NEGR1: variants seen among roughly 807,000 people sequenced by gnomAD.
NEGR1 encodes neuronal growth regulator 1, also known as IgLON family member 4.
Under a neutral mutation model 40.9 loss-of-function variants are expected in NEGR1, and 10 were observed. The observed-to-expected ratio is 0.24, with a 90% CI of 0.15 to 0.42. NEGR1 has a LOEUF of 0.42. Among genes scored for constraint, NEGR1 ranks in the 10% least tolerant of loss-of-function variants. NEGR1 has a pLI of 1.00. For synonymous variants in NEGR1, 185 were observed against 166.8 expected, an observed-to-expected ratio of 1.11 and a Z score of -0.84; for missense variants, 352 against 438.9, an observed-to-expected ratio of 0.80 and a Z score of 1.77.
At chr1:72,061,408 G>A (rs1462488156) in intron 1 of NEGR1, among the ~76,000 whole-genome samples, 1 of 151,650 alleles carries the variant, frequency 6.6e-6, no homozygotes, top group Non-Finnish European at 1.5e-5. Flanking sequence ...TATTTAATGG[G>A]ATTTTTTTCC....
At chr1:72,169,132 T>C (rs1041226718) in intron 1 of NEGR1, among the ~76,000 whole-genome samples, 2 of 152,132 alleles carry the variant, frequency 1.3e-5, no homozygotes, top group African/African-American at 2.4e-5. Flanking sequence ...AAAATCATGA[T>C]AATTAGTTGG....
In NEGR1 at chr1:71,436,229, C is replaced by CAA. The variant is rs376091954; in HGVS notation, c.941-28661_941-28660dup. ...ATAATGAAAGAGATTGTGAATATGGCAAAAAAAAAAAAAGGTGGGGTATGA... is the reference window on the plus strand; with the variant it reads ...ATAATGAAAGAGATTGTGAATATGGCAAAAAAAAAAAAAAAGGTGGGGTATGA... On this transcript the variant is annotated intron_variant, in intron 6 of 6. Transcript: ENST00000357731. 6.3e-3 allele frequency among the ~76,000 whole-genome samples: 775 copies of CAA among 122,956 alleles called. 5 individuals carry two copies. Among genetic ancestry groups the CAA allele is most frequent in the African/African-American group, 0.019 (658 of 34,484 alleles). 80.7% of individuals were successfully genotyped at this position (122,956 alleles called of 152,430 possible). A position where few individuals can be genotyped will look rare whatever the true frequency, so the allele number is the denominator to read the frequency against.
chr1:72,201,417 TATTC>T (rs1433950047), intron 1 of NEGR1, among the ~76,000 whole-genome samples: 1 of 151,836 alleles, frequency 6.6e-6, no homozygotes, highest in African/African-American at 2.4e-5. Flanking sequence ...GAGAGCATAA[TATTC>T]ATAATTTCAC....
chr1:71,789,930 C>A (rs1216338937), intron 2 of NEGR1, among the ~76,000 whole-genome samples: 1 of 152,090 alleles, frequency 6.6e-6, no homozygotes, highest in Non-Finnish European at 1.5e-5. Flanking sequence ...ATCATTAAAA[C>A]CTTTTATTCA....
chr1:71,633,244 A>G (rs1159774306), intron 4 of NEGR1, among the ~76,000 whole-genome samples: 2 of 152,068 alleles, frequency 1.3e-5, no homozygotes, highest in Non-Finnish European at 1.5e-5. Context: ...TTCTACACCT[A>G]CACCTCCTTG....
At chr1:71,551,991 T>G (rs1423745332) in intron 6 of NEGR1, among the ~76,000 whole-genome samples, 1 of 151,508 alleles carries the variant, frequency 6.6e-6, no homozygotes, top group East Asian at 2.0e-4. Context: ...TGACAAAGAC[T>G]CTTTCCTTGG....
chr1:71,475,535 T>C (rs2101363708), intron 6 of NEGR1, among the ~76,000 whole-genome samples: 1 of 152,194 alleles, frequency 6.6e-6, no homozygotes, highest in Admixed American at 6.5e-5. Context: ...TTATTAATAA[T>C]ATTTTCCCAT....
chr1:71,926,585 C>G (rs1645775848), intron 2 of NEGR1, among the ~76,000 whole-genome samples: 1 of 148,084 alleles, frequency 6.8e-6, no homozygotes, highest in Non-Finnish European at 1.5e-5. Flanking sequence ...AAAGTTCCTT[C>G]TATAGGAAAA....
intron 1 of NEGR1, among the ~76,000 whole-genome samples, chr1:72,194,728 T>C (rs1287703690): frequency 6.6e-6 from 1 of 152,106 alleles, no homozygotes; most frequent in East Asian, 1.9e-4. Context: ...TATATTTGTC[T>C]TCCTTCTGTC....
chr1:71,558,224 A>G (rs1275573927), intron 6 of NEGR1, among the ~76,000 whole-genome samples: 3 of 151,484 alleles, frequency 2.0e-5, no homozygotes, highest in African/African-American at 4.8e-5. Flanking sequence ...ACATCCCCAC[A>G]CTCAAAGGGA....
chr1:71,544,054 C>G (rs1171005192), intron 6 of NEGR1, among the ~76,000 whole-genome samples: 1 of 151,610 alleles, frequency 6.6e-6, no homozygotes, highest in African/African-American at 2.4e-5. Flanking sequence ...CAGAAACCAA[C>G]CTTATCTAGA....
intron 1 of NEGR1, among the ~76,000 whole-genome samples, chr1:72,099,195 A>C (rs1021933242): frequency 1.3e-5 from 2 of 151,972 alleles, no homozygotes; most frequent in African/African-American, 4.8e-5. Flanking sequence ...TTTGAATAAT[A>C]AATTTTCATA....
intron 2 of NEGR1, among the ~76,000 whole-genome samples, chr1:71,780,040 C>CAAAAAAAAAAAAAAAAAAAAAA (rs57576840): frequency 3.0e-5 from 3 of 99,734 alleles, no homozygotes; most frequent in East Asian, 2.8e-4. Context: ...ATAGGAAAAC[C>CAAAAAAAAAAAAAAAAAAAAAA]AAAAAAAAAA....
At chr1:71,585,674 T>A (rs1441347972) in intron 6 of NEGR1, among the ~76,000 whole-genome samples, 1 of 150,716 alleles carries the variant, frequency 6.6e-6, no homozygotes, top group Non-Finnish European at 1.5e-5. Flanking sequence ...ATTAATCTTG[T>A]ACAACCTCTC....
chr1:72,020,632 T>A (rs1007440343), intron 1 of NEGR1, among the ~76,000 whole-genome samples: 6 of 151,850 alleles, frequency 4.0e-5, no homozygotes, highest in Non-Finnish European at 7.4e-5. Flanking sequence ...CTAAACAAAA[T>A]CCATCTGATA....
At position 71,403,897 on chromosome 1, in the gene NEGR1, A is replaced by C. The variant is rs1646260584; in HGVS notation, c.*3549T>G. On this transcript the variant is annotated 3_prime_UTR_variant, in exon 7 of 7. Coordinates refer to ENST00000357731, the MANE Select transcript of NEGR1 (RefSeq NM_173808.3). ...GAATCTTAAGGCATACCATTTATTCATATTCATATCTATTGAAATACTGTA... is the reference window on the plus strand; with the variant it reads ...GAATCTTAAGGCATACCATTTATTCCTATTCATATCTATTGAAATACTGTA... 5.2e-6 allele frequency: 2 copies of C among 381,596 alleles called. No individual in the cohort carries two copies. Among genetic ancestry groups the C allele is most frequent in the African/African-American group, 2.1e-5 (1 of 48,232 alleles). The allele number at this position is 381,596 out of a possible 1,614,324, so 23.6% of individuals were successfully genotyped here. A position where few individuals can be genotyped will look rare whatever the true frequency, so the allele number is the denominator to read the frequency against.
chr1:71,971,778 G>A (rs746671126), intron 1 of NEGR1, among the ~76,000 whole-genome samples: 5 of 152,028 alleles, frequency 3.3e-5, no homozygotes, highest in East Asian at 1.9e-4. Context: ...ATATGGTCAC[G>A]TATTTTTAAA....
intron 1 of NEGR1, among the ~76,000 whole-genome samples, chr1:72,126,258 C>T (rs1650020387): frequency 6.6e-6 from 1 of 151,754 alleles, no homozygotes; most frequent in African/African-American, 2.4e-5. Flanking sequence ...TTTGCAAACT[C>T]CAAGAACATC....
At chr1:71,694,411 T>G (rs568431095) in intron 4 of NEGR1, among the ~76,000 whole-genome samples, 3 of 151,954 alleles carry the variant, frequency 2.0e-5, no homozygotes, top group African/African-American at 7.2e-5. Context: ...AAACACCTAA[T>G]ATCCCCCTAC....
Sources: allele counts gnomAD v4.1 joint callset (sites outside exome capture counted in the v4.1 genomes callset), GRCh38; gene constraint gnomAD v4.1.1; transcripts MANE v1.5; gene names NCBI Gene and HGNC (gene_info 2026-07-23, HGNC 2026-07-21).